Variants in MTARC1 observed in about 807,000 individuals in gnomAD.
MTARC1 encodes mitochondrial amidoxime-reducing component 1.
MTARC1 carries 24 observed loss-of-function variants against 33.6 expected under a neutral mutation model. The ratio of observed to expected loss-of-function variants is 0.72; its 90% CI spans 0.52 to 1.01. MTARC1 has a LOEUF of 1.01. Among genes scored for constraint, MTARC1 ranks in the 50% least tolerant of loss-of-function variants. The probability of loss-of-function intolerance (pLI) is 0.00; values close to 1 mark genes in which losing one functional copy is unlikely to be tolerated. For synonymous variants in MTARC1, 187 were observed against 189.5 expected (o/e 0.99, Z 0.11); for missense variants, 417 against 445.7 (o/e 0.94, Z 0.58).
At position 220,787,725 on chromosome 1, in the gene MTARC1, C is replaced by T. The variant is rs1050211480; in HGVS notation, c.275+506C>T. ...ACGAATACCTTCGGGCGCGGTGGCTCACGCTTGTAATCCCAGCACTTTGGG... is the reference window on the plus strand; with the variant it reads ...ACGAATACCTTCGGGCGCGGTGGCTTACGCTTGTAATCCCAGCACTTTGGG... On this transcript the variant is annotated intron_variant, in intron 1 of 6. Coordinates refer to ENST00000366910, the MANE Select transcript of MTARC1 (RefSeq NM_022746.4). 3.3e-5 allele frequency among the ~76,000 whole-genome samples: 5 copies of T among 152,142 alleles called. No homozygotes were observed. In the East Asian group the frequency reaches 9.6e-4, roughly 29 times the overall value.
At chr1:220,812,866 A>C (rs754603560) in intron 6 of MTARC1, among the ~76,000 whole-genome samples, 232 of 152,186 alleles carry the variant, frequency 1.5e-3, no homozygotes, top group Non-Finnish European at 3.1e-3. Flanking sequence ...CTGGGACTAC[A>C]GGCACCTGCC....
intron 4 of MTARC1, among the ~76,000 whole-genome samples, chr1:220,800,789 G>A (rs1446905908): frequency 6.6e-6 from 1 of 152,064 alleles, no homozygotes; most frequent in Non-Finnish European, 1.5e-5. Context: ...GCACACAACA[G>A]CTCTGACTTC....
At chr1:220,813,160 C>A (rs550908855) in intron 6 of MTARC1, 132 bp from the exon 7 acceptor site, 3 of 1,228,026 alleles carry the variant, frequency 2.4e-6, no homozygotes, top group Non-Finnish European at 3.5e-6. Context: ...AGGCGCTGTT[C>A]TGTTGAGCTT....
Position 220,791,541 on chromosome 1 carries a change from A to C in MTARC1, c.326A>C (p.Glu109Ala), listed in dbSNP as rs772831403. The part of the protein sequence containing the change: ...QEGNMVTARQ[E>A]PRLVLISLTC... ...GGAAACATGGTTACTGCTCGCCAGG[A>C]ACCTCGCCTGGTCCTGATTTCCCTG... Residue 109 changes from glutamate (E) to alanine (A), a missense_variant, in exon 2 of 7, where the codon GAA becomes GCA. Glu to Ala is a moderately radical substitution (Grantham distance 107). Coordinates refer to ENST00000366910, the MANE Select transcript of MTARC1 (RefSeq NM_022746.4). The C allele has an allele frequency of 6.2e-7, 1 of 1,614,152 alleles. No homozygotes were observed. Among genetic ancestry groups the C allele is most frequent in the Non-Finnish European group, 8.5e-7 (1 of 1,180,024 alleles).
chr1:220,801,088 T>G (rs1672785224), intron 4 of MTARC1, among the ~76,000 whole-genome samples: 2 of 152,168 alleles, frequency 1.3e-5, no homozygotes, highest in South Asian at 4.1e-4. Flanking sequence ...CTCTCATGGT[T>G]CTCCACCTTT....
At chr1:220,798,705 C>A in intron 4 of MTARC1, 1 of 743,272 alleles carries the variant, frequency 1.3e-6, no homozygotes, top group Non-Finnish European at 1.6e-6. Flanking sequence ...TGTGGATACT[C>A]AACAGAAACC....
intron 3 of MTARC1, 32 bp from the exon 4 acceptor site, chr1:220,797,842 A>G: frequency 2.5e-6 from 4 of 1,608,808 alleles, no homozygotes; most frequent in Non-Finnish European, 2.6e-6. Context: ...TTGGTGTGCC[A>G]TGTGTTATAA....
At chr1:220,800,467 C>T (rs370841643) in intron 4 of MTARC1, among the ~76,000 whole-genome samples, 28 of 152,310 alleles carry the variant, frequency 1.8e-4, no homozygotes, top group African/African-American at 5.3e-4. Context: ...AGCAGCCAGA[C>T]GTGGGGACGT....
At chr1:220,804,789 G>A (rs1043350733) in intron 4 of MTARC1, among the ~76,000 whole-genome samples, 6 of 144,450 alleles carry the variant, frequency 4.2e-5, no homozygotes, top group South Asian at 2.2e-4. Flanking sequence ...CTCCCTGAGC[G>A]AGGCGAGTTT....
chr1:220,812,008 T>C (rs12132819), intron 6 of MTARC1, among the ~76,000 whole-genome samples: 20,593 of 152,146 alleles, frequency 0.14, 1,859 homozygotes, highest in Non-Finnish European at 0.2. Flanking sequence ...GTGTGAGTAT[T>C]GGAGGGGCAA....
intron 4 of MTARC1, among the ~76,000 whole-genome samples, chr1:220,801,057 G>T (rs1672783775): frequency 6.6e-6 from 1 of 152,192 alleles, no homozygotes; most frequent in African/African-American, 2.4e-5. Context: ...GTCACATCAT[G>T]TGATTTGTCT....
intron 2 of MTARC1, among the ~76,000 whole-genome samples, chr1:220,794,671 T>C (rs537216671): frequency 6.6e-6 from 1 of 152,186 alleles, no homozygotes; most frequent in African/African-American, 2.4e-5. Context: ...GTGTATAAAT[T>C]TGGGTATGTT....
chr1:220,804,060 G>A (rs540930357), intron 4 of MTARC1, among the ~76,000 whole-genome samples: 154 of 152,230 alleles, frequency 1.0e-3, no homozygotes, highest in Admixed American at 3.0e-3. Flanking sequence ...TTCCGCCCTC[G>A]TGTGGTGGGC....
In MTARC1 at chr1:220,819,591, T is replaced by C. The variant is rs2642431; in HGVS notation, c.*6173T>C. 0.88 allele frequency: 134,017 copies of C among 152,298 alleles called. 59,168 individuals carry two copies. Among genetic ancestry groups the C allele is most frequent in the African/African-American group, 0.94 (38,871 of 41,554 alleles). The allele number at this position is 152,298 out of a possible 1,614,324, so 9.4% of individuals were successfully genotyped here. Reference sequence around the variant, plus strand: ...TGGGGTGAATCTTAGTTCTTAAAGCTATATTCTGCTCATTATGCTCACAGG... The same window carrying C: ...TGGGGTGAATCTTAGTTCTTAAAGCCATATTCTGCTCATTATGCTCACAGG... On this transcript the variant is annotated 3_prime_UTR_variant, in exon 7 of 7. Transcript: ENST00000366910.
chr1:220,804,970 C>G (rs778307895), intron 4 of MTARC1, 82 bp from the exon 5 acceptor site: 3 of 1,463,998 alleles, frequency 2.0e-6, no homozygotes, highest in African/African-American at 2.8e-5. Flanking sequence ...TCGTTAGGTG[C>G]GAGGGCTCCT....
At chr1:220,799,826 C>T (rs551495569) in intron 4 of MTARC1, among the ~76,000 whole-genome samples, 34 of 152,334 alleles carry the variant, frequency 2.2e-4, no homozygotes, top group Admixed American at 5.2e-4. Context: ...TCACCAAACT[C>T]GCCGAGGCAT....
intron 4 of MTARC1, among the ~76,000 whole-genome samples, chr1:220,803,613 G>A (rs1331399855): frequency 6.6e-6 from 1 of 152,076 alleles, no homozygotes; most frequent in Non-Finnish European, 1.5e-5. Context: ...TACCAGGCTT[G>A]TCCTGTTTGA....
chr1:220,798,475 C>T, intron 4 of MTARC1: 7 of 985,406 alleles, frequency 7.1e-6, no homozygotes, highest in Non-Finnish European at 8.4e-6. Flanking sequence ...CATGGCACTA[C>T]CCTGAAATGC....
In MTARC1 at chr1:220,796,633, A is replaced by G. The variant is rs368202301; in HGVS notation, c.450-10A>G. The stretch of plus-strand genomic sequence containing the variant: ...GCCATGTCTGCCCTTTGCTCCTGCT[A>G]CCCCTGCAGAGTGCACGGCCTGGAG... On this transcript the variant is annotated splice_polypyrimidine_tract_variant and intron_variant, in intron 2 of 6. Transcript: ENST00000366910. The G allele has an allele frequency of 5.8e-6, 9 of 1,561,098 alleles. No individual in the cohort carries two copies. In the African/African-American group the frequency reaches 1.1e-4, roughly 19 times the overall value.
Sources: allele counts gnomAD v4.1 joint callset (sites outside exome capture counted in the v4.1 genomes callset), GRCh38; gene constraint gnomAD v4.1.1; transcripts MANE v1.5; gene names NCBI Gene and HGNC (gene_info 2026-07-23, HGNC 2026-07-21).